Variants in FAM135B observed in about 807,000 individuals in gnomAD.
The protein encoded by FAM135B is protein FAM135B.
FAM135B carries 43 observed loss-of-function variants against 127.7 expected under a neutral mutation model. The observed-to-expected ratio is 0.34, with a 90% CI of 0.26 to 0.43. The LOEUF (loss-of-function observed/expected upper bound fraction) is 0.43, where lower values mean the gene tolerates loss of function less well. Ranked by LOEUF, FAM135B falls within the 20% of genes least tolerant of loss-of-function variation. The pLI, the probability that FAM135B is intolerant of heterozygous loss-of-function variation, is 1.00. For synonymous variants in FAM135B, 670 were observed against 665.1 expected (o/e 1.01, Z -0.11); for missense variants, 1,558 against 1,725.6 (o/e 0.90, Z 1.72).
chr8:138,371,455 G>C (rs112813935), intron 1 of FAM135B, among the ~76,000 whole-genome samples: 2,096 of 152,212 alleles, frequency 0.014, 47 homozygotes, highest in African/African-American at 0.047. Context: ...CACACACTGG[G>C]TGCTGAAAAG....
intron 3 of FAM135B, among the ~76,000 whole-genome samples, chr8:138,269,342 G>C (rs1353031209): frequency 6.6e-6 from 1 of 152,182 alleles, no homozygotes; most frequent in Non-Finnish European, 1.5e-5. Flanking sequence ...CAAACCAACA[G>C]CACCCTTAGG....
chr8:138,174,280 C>T (rs1437864000), intron 11 of FAM135B, among the ~76,000 whole-genome samples: 4 of 152,160 alleles, frequency 2.6e-5, no homozygotes, highest in Non-Finnish European at 4.4e-5. Context: ...TCACCTGTGC[C>T]GTCACCTACA....
At chr8:138,340,591 G>A (rs1473445649) in intron 2 of FAM135B, among the ~76,000 whole-genome samples, 1 of 152,110 alleles carries the variant, frequency 6.6e-6, no homozygotes, top group African/African-American at 2.4e-5. Context: ...CCTGACCTAG[G>A]CATTGAGTAC....
At chr8:138,280,068 A>G (rs1026707447) in intron 3 of FAM135B, among the ~76,000 whole-genome samples, 2 of 152,192 alleles carry the variant, frequency 1.3e-5, no homozygotes, top group Non-Finnish European at 2.9e-5. Flanking sequence ...GGCCTCAGAG[A>G]GATGGAGAAT....
chr8:138,284,662 T>C (rs970253599), intron 3 of FAM135B, among the ~76,000 whole-genome samples: 4 of 151,612 alleles, frequency 2.6e-5, no homozygotes, highest in African/African-American at 9.7e-5. Flanking sequence ...TTTCCCTTCC[T>C]TGTGGACCCA....
intron 1 of FAM135B, among the ~76,000 whole-genome samples, chr8:138,410,259 C>T (rs1833781969): frequency 6.6e-6 from 1 of 152,178 alleles, no homozygotes; most frequent in Non-Finnish European, 1.5e-5. Context: ...TGAGACTTCC[C>T]TGATTCCCAA....
chr8:138,386,916 A>G (rs1047173919), intron 1 of FAM135B, among the ~76,000 whole-genome samples: 1 of 152,114 alleles, frequency 6.6e-6, no homozygotes, highest in East Asian at 1.9e-4. Flanking sequence ...ATGATCATAC[A>G]CTACAATGAG....
chr8:138,448,959 G>C (rs1054201178), intron 1 of FAM135B, among the ~76,000 whole-genome samples: 4 of 152,216 alleles, frequency 2.6e-5, no homozygotes, highest in South Asian at 4.1e-4. Flanking sequence ...TTGTTTGGGA[G>C]ATCTTTTCTC....
intron 9 of FAM135B, among the ~76,000 whole-genome samples, chr8:138,191,496 T>C (rs1816121742): frequency 6.6e-6 from 1 of 152,158 alleles, no homozygotes; most frequent in African/African-American, 2.4e-5. Flanking sequence ...TATTCGGAGC[T>C]TCTAGGTGCC....
intron 6 of FAM135B, among the ~76,000 whole-genome samples, chr8:138,246,323 C>T (rs1821282842): frequency 6.6e-6 from 1 of 152,106 alleles, no homozygotes; most frequent in African/African-American, 2.4e-5. Context: ...CATCACAGGC[C>T]CAGAGGCCCA....
In FAM135B at chr8:138,356,298, G is replaced by A. The variant is rs917958252; in HGVS notation, c.77+11609C>T. Among the ~76,000 whole-genome samples, 7 of 151,734 alleles carry A rather than the reference G, an allele frequency of 4.6e-5. No homozygotes were observed. The East Asian group carries it at 5.8e-4, about 13-fold the overall frequency. ...AGAGAGAGAGAAAGAGAGAGCCAGCGAGTGAGAGAAAACATAAGAGTATGT... is the reference window on the plus strand; with the variant it reads ...AGAGAGAGAGAAAGAGAGAGCCAGCAAGTGAGAGAAAACATAAGAGTATGT... On this transcript the variant is annotated intron_variant, in intron 2 of 19. Transcript: ENST00000395297.
At position 138,241,355 on chromosome 8, in the gene FAM135B, G is replaced by A. The variant is rs909263788; in HGVS notation, c.669+1587C>T. ...AGTCACCGGAGTCTACCCTGGAACT[G>A]GTCTTATTTGGCTCTAAAATCTGCT... On this transcript the variant is annotated intron_variant, in intron 7 of 19. Coordinates refer to ENST00000395297, the MANE Select transcript of FAM135B (RefSeq NM_015912.4). This position sits in a 1 kb window ranked among gnomAD's most constrained non-coding sequence, Gnocchi z 4.8. Among the ~76,000 whole-genome samples the A allele has an allele frequency of 6.6e-6, 1 of 152,200 alleles. No individual in the cohort carries two copies. Among genetic ancestry groups the A allele is most frequent in the Admixed American group, 6.5e-5 (1 of 15,290 alleles).
intron 1 of FAM135B, among the ~76,000 whole-genome samples, chr8:138,383,536 T>C (rs1831997669): frequency 6.6e-6 from 1 of 152,290 alleles, no homozygotes; most frequent in Non-Finnish European, 1.5e-5. Flanking sequence ...ATGGGAGTAA[T>C]AGAATAAAGG....
intron 19 of FAM135B, among the ~76,000 whole-genome samples, chr8:138,134,149 G>T (rs1337562187): frequency 6.8e-6 from 1 of 146,938 alleles, no homozygotes; most frequent in African/African-American, 2.6e-5. Flanking sequence ...GCCAAATTCA[G>T]CATCAGAGGA....
intron 9 of FAM135B, among the ~76,000 whole-genome samples, chr8:138,192,075 G>T (rs1010196935): frequency 6.6e-6 from 1 of 152,206 alleles, no homozygotes; most frequent in East Asian, 1.9e-4. Flanking sequence ...CCACTGAACA[G>T]AATGTGATGG....
At chr8:138,482,581 C>T (rs79401523) in intron 1 of FAM135B, among the ~76,000 whole-genome samples, 4,259 of 152,112 alleles carry the variant, frequency 0.028, 159 homozygotes, top group East Asian at 0.13. Flanking sequence ...TACCTAGTAA[C>T]AGTAGCTTAC....
rs768257554 is a variant in FAM135B at position 138,265,741 on chromosome 8, C to G, written c.259G>C (p.Val87Leu). Residue 87 changes from valine to leucine, a missense_variant, in exon 4 of 20, where the codon GTG (valine) becomes CTG (leucine). By Grantham distance (32) the Val-to-Leu change is conservative. Around this residue, in one of 5 missense-constraint regions of FAM135B, gnomAD observed 199 missense variants for 245.7 expected, o/e 0.81. Transcript: ENST00000395297. Reference protein sequence around the residue: ...RNEEVPINDAVVFRVHLLLGG... With the variant: ...RNEEVPINDALVFRVHLLLGG... ...AAGAGTAAATGAACTCGGAAGACCA[C>G]AGCATCATTTATGGGTACCTCTTCA... 7 of 1,613,994 alleles carry G rather than the reference C, an allele frequency of 4.3e-6. No homozygotes were observed. The highest frequency in any genetic ancestry group is 5.9e-6 in the Non-Finnish European group (7 of 1,180,008).
intron 2 of FAM135B, among the ~76,000 whole-genome samples, chr8:138,346,813 C>T (rs1829441449): frequency 1.3e-5 from 2 of 152,126 alleles, no homozygotes; most frequent in Admixed American, 6.5e-5. Context: ...CACATGTACC[C>T]TGGAACTTAA....
intron 7 of FAM135B, among the ~76,000 whole-genome samples, chr8:138,207,330 T>A (rs904469802): frequency 3.3e-5 from 5 of 151,064 alleles, no homozygotes; most frequent in Admixed American, 2.0e-4. Context: ...TGTCCCAGCC[T>A]CCCAACTAGC....
Sources: allele counts gnomAD v4.1 joint callset (sites outside exome capture counted in the v4.1 genomes callset), GRCh38; gene constraint gnomAD v4.1.1; regional missense constraint gnomAD v4.1.1; non-coding constraint Gnocchi (gnomAD v3.1); transcripts MANE v1.5; gene names NCBI Gene and HGNC (gene_info 2026-07-23, HGNC 2026-07-21).